The following RAB6B variants were observed in gnomAD, a reference collection of about 807,000 sequenced individuals.
The protein encoded by RAB6B is ras-related protein Rab-6B.
RAB6B carries 7 observed loss-of-function variants against 31.2 expected under a neutral mutation model. That is an observed-to-expected ratio of 0.22 (90% CI 0.13 to 0.42). The LOEUF is 0.42. Among genes scored for constraint, RAB6B ranks in the 10% least tolerant of loss-of-function variants. RAB6B has a pLI of 1.00. For missense variants in RAB6B, 149 were observed against 280.6 expected, an observed-to-expected ratio of 0.53 and a Z score of 3.35; for synonymous variants, 105 against 104.9, an observed-to-expected ratio of 1.00 and a Z score of -0.01.
At position 133,891,669 on chromosome 3, in the gene RAB6B, G is replaced by C. The variant is rs193279129; in HGVS notation, c.70+3728C>G. Among the ~76,000 whole-genome samples, 693 of 152,306 alleles carry C rather than the reference G, an allele frequency of 4.6e-3. 2 individuals are homozygous for C. Among genetic ancestry groups the C allele is most frequent in the Middle Eastern group, 0.01 (3 of 294 alleles). ...AACAGATAATGGAGGGAGGACAGGA[G>C]AGAGAAGGAGTGGGACGGAAGGATA... On this transcript the variant is annotated intron_variant, in intron 1 of 7. Coordinates refer to ENST00000285208, the MANE Select transcript of RAB6B (RefSeq NM_016577.4).
chr3:133,884,313 G>C (rs76217608), intron 1 of RAB6B, among the ~76,000 whole-genome samples: 181 of 152,338 alleles, frequency 1.2e-3, no homozygotes, highest in African/African-American at 4.2e-3. Flanking sequence ...CGTGAGCAGG[G>C]GGGTGCACCA....
At chr3:133,871,208 A>G (rs1936318688) in intron 1 of RAB6B, among the ~76,000 whole-genome samples, 1 of 152,266 alleles carries the variant, frequency 6.6e-6, no homozygotes, top group Admixed American at 6.5e-5. Context: ...TCTGGCCTCA[A>G]GCAGTCCATA....
rs545990439 is a variant in RAB6B at position 133,833,963 on chromosome 3, C to G, written c.562+612G>C. On this transcript the variant is annotated intron_variant, in intron 7 of 7. Transcript: ENST00000285208. ...GAGGAAGCAAGCCTGAGTGTGAATCCTAACTGTAACTTACATGCTGTGTGA... is the reference window on the plus strand; with the variant it reads ...GAGGAAGCAAGCCTGAGTGTGAATCGTAACTGTAACTTACATGCTGTGTGA... Among the ~76,000 whole-genome samples, 36 of 152,168 alleles carry G rather than the reference C, an allele frequency of 2.4e-4. 1 individual carries two copies. In the South Asian group the frequency reaches 7.3e-3, roughly 31 times the overall value.
Position 133,870,359 on chromosome 3 carries a change from G to A in RAB6B, c.71-5717C>T, listed in dbSNP as rs189691688. ...CCTGGTCCTGTCCTTGACACGTGGG[G>A]ATCATGGGGATTACAATTCGAGGTA... On this transcript the variant is annotated intron_variant, in intron 1 of 7. Transcript: ENST00000285208. Among the ~76,000 whole-genome samples, 16 of 152,298 alleles carry A rather than the reference G, an allele frequency of 1.1e-4. No individual in the cohort carries two copies. In the East Asian group the frequency reaches 3.1e-3, roughly 29 times the overall value.
intron 7 of RAB6B, among the ~76,000 whole-genome samples, chr3:133,834,162 T>C (rs919187748): frequency 7.2e-5 from 11 of 151,732 alleles, no homozygotes; most frequent in African/African-American, 2.4e-4. Flanking sequence ...GGCATCTGTC[T>C]GAAGGGGGGA....
chr3:133,851,674 AAGGGGGG>A (rs1343895954), intron 2 of RAB6B, among the ~76,000 whole-genome samples: 2 of 152,118 alleles, frequency 1.3e-5, no homozygotes, highest in African/African-American at 2.4e-5. Context: ...TTAACAAGAA[AAGGGGGG>A]AGTGGCTTGC....
chr3:133,889,599 T>G (rs1335668452), intron 1 of RAB6B, among the ~76,000 whole-genome samples: 2 of 151,654 alleles, frequency 1.3e-5, no homozygotes, highest in East Asian at 3.9e-4. Context: ...CATGCCTGGC[T>G]AATGTTTGTA....
chr3:133,856,092 G>T (rs1031986326), intron 2 of RAB6B, among the ~76,000 whole-genome samples: 1 of 152,042 alleles, frequency 6.6e-6, no homozygotes, highest in Non-Finnish European at 1.5e-5. Context: ...TAGTCCAGGG[G>T]CCTGATGGTA....
chr3:133,837,602 T>C (rs1378519693), intron 6 of RAB6B, among the ~76,000 whole-genome samples: 3 of 152,200 alleles, frequency 2.0e-5, no homozygotes, highest in African/African-American at 7.2e-5. Flanking sequence ...CAGCCCTGTC[T>C]GCTGACCTGC....
chr3:133,827,591 T>G lies in RAB6B; in HGVS notation c.*1197A>C. The G allele has an allele frequency of 1.1e-5, 4 of 356,464 alleles. No individual in the cohort carries two copies. The South Asian group carries it at 1.4e-4, about 12-fold the overall frequency. 22.1% of individuals were successfully genotyped at this position (356,464 alleles called of 1,614,324 possible). ...TCAGGTGACCACAGCGCAGCCACAG[T>G]AGCCACAAAGATATGTCCACAAAGA... On this transcript the variant is annotated 3_prime_UTR_variant, in exon 8 of 8. Transcript: ENST00000285208.
At chr3:133,871,063 C>A (rs1431911266) in intron 1 of RAB6B, among the ~76,000 whole-genome samples, 1 of 152,256 alleles carries the variant, frequency 6.6e-6, no homozygotes, top group East Asian at 1.9e-4. Flanking sequence ...GATTCTTGTA[C>A]ATTCTGGTGG....
At chr3:133,854,240 G>A (rs745588191) in intron 2 of RAB6B, among the ~76,000 whole-genome samples, 3 of 152,226 alleles carry the variant, frequency 2.0e-5, no homozygotes, top group Non-Finnish European at 2.9e-5. Context: ...AGAGAGACGG[G>A]TTCTAAAGGA....
intron 1 of RAB6B, among the ~76,000 whole-genome samples, chr3:133,893,351 G>C (rs559243719): frequency 1.1e-4 from 16 of 152,326 alleles, no homozygotes; most frequent in African/African-American, 3.1e-4. Flanking sequence ...GGGACTCCAG[G>C]CAAGGCCTCC....
chr3:133,848,665 C>T (rs1045854828), intron 2 of RAB6B, among the ~76,000 whole-genome samples: 6 of 151,992 alleles, frequency 3.9e-5, no homozygotes, highest in East Asian at 3.9e-4. Context: ...GCCCAAACTC[C>T]GATGGTACCA....
intron 2 of RAB6B, among the ~76,000 whole-genome samples, chr3:133,859,320 T>C (rs114782905): frequency 1.2e-3 from 180 of 152,282 alleles, no homozygotes; most frequent in African/African-American, 4.3e-3. Flanking sequence ...GGTCTTAAAG[T>C]CTAGATGATG....
chr3:133,864,561 A>C (rs1335016375), intron 2 of RAB6B, 23 bp downstream of exon 2: 2 of 1,608,746 alleles, frequency 1.2e-6, no homozygotes, highest in African/African-American at 1.3e-5. Context: ...GATGATATGG[A>C]GGGTGAGCAC....
intron 2 of RAB6B, among the ~76,000 whole-genome samples, chr3:133,845,825 T>A (rs1276540922): frequency 1.3e-5 from 2 of 151,810 alleles, no homozygotes; most frequent in East Asian, 3.9e-4. Flanking sequence ...ATGATCCAAA[T>A]GTTGAATTAG....
chr3:133,864,110 C>T (rs1054241645), intron 2 of RAB6B, among the ~76,000 whole-genome samples: 2 of 145,520 alleles, frequency 1.4e-5, no homozygotes, highest in Non-Finnish European at 3.0e-5. Context: ...AAGGAAGTGC[C>T]TCAGCAACCG....
intron 1 of RAB6B, among the ~76,000 whole-genome samples, chr3:133,892,152 C>T (rs1032455819): frequency 6.6e-6 from 1 of 152,286 alleles, no homozygotes; most frequent in Non-Finnish European, 1.5e-5. Context: ...ATGCCCCAGT[C>T]GGGACTGACA....
Sources: allele counts gnomAD v4.1 joint callset (sites outside exome capture counted in the v4.1 genomes callset), GRCh38; gene constraint gnomAD v4.1.1; transcripts MANE v1.5; gene names NCBI Gene and HGNC (gene_info 2026-07-23, HGNC 2026-07-21).